The following MALRD1 variants were observed in gnomAD, a reference collection of about 807,000 sequenced individuals.
The protein encoded by MALRD1 is MAM and LDL-receptor class A domain-containing protein 1.
Under a neutral mutation model 242.1 loss-of-function variants are expected in MALRD1, and 247 were observed. The ratio of observed to expected loss-of-function variants is 1.02; its 90% CI spans 0.92 to 1.13. MALRD1 has a LOEUF of 1.13. Among genes scored for constraint, MALRD1 ranks in the 50% most tolerant of loss-of-function variants. The pLI, the probability that MALRD1 is intolerant of heterozygous loss-of-function variation, is 0.00. For synonymous variants in MALRD1, 995 were observed against 866.6 expected (o/e 1.15, Z -2.60); for missense variants, 2,989 against 2,533.1 (o/e 1.18, Z -3.86).
intron 33 of MALRD1, among the ~76,000 whole-genome samples, chr10:19,583,136 G>A (rs1383776194): frequency 7.9e-6 from 1 of 126,900 alleles, no homozygotes; most frequent in African/African-American, 3.3e-5. Context: ...GAGACGATGG[G>A]GTTTTCTAGA....
At chr10:19,333,795 C>G (rs898653659) in intron 24 of MALRD1, among the ~76,000 whole-genome samples, 1 of 151,966 alleles carries the variant, frequency 6.6e-6, no homozygotes, top group African/African-American at 2.4e-5. Flanking sequence ...TTCTCGGTAA[C>G]CTCGCCAACA....
intron 11 of MALRD1, among the ~76,000 whole-genome samples, chr10:19,147,351 A>T (rs1021200325): frequency 1.3e-5 from 2 of 152,160 alleles, no homozygotes; most frequent in African/African-American, 4.8e-5. Context: ...GGGGTGGGAA[A>T]ATTCAACCAT....
At chr10:19,157,115 T>C (rs547626236) in intron 12 of MALRD1, among the ~76,000 whole-genome samples, 2 of 145,340 alleles carry the variant, frequency 1.4e-5, no homozygotes, top group East Asian at 3.9e-4. Flanking sequence ...TACTTTGTAA[T>C]GCTTTCCAGT....
At chr10:19,468,531 CT>C (rs1443239527) in intron 29 of MALRD1, among the ~76,000 whole-genome samples, 1 of 151,936 alleles carries the variant, frequency 6.6e-6, no homozygotes, top group African/African-American at 2.4e-5. Flanking sequence ...AGTTGAGTCA[CT>C]GACTGAAAGT....
intron 24 of MALRD1, among the ~76,000 whole-genome samples, chr10:19,346,161 C>T (rs1011829550): frequency 2.0e-5 from 3 of 152,080 alleles, no homozygotes; most frequent in African/African-American, 7.2e-5. Context: ...ATAATTTTAT[C>T]TGACTTGGGA....
chr10:19,652,606 C>T (rs1840948895), intron 36 of MALRD1, among the ~76,000 whole-genome samples: 1 of 152,134 alleles, frequency 6.6e-6, no homozygotes, highest in Non-Finnish European at 1.5e-5. Context: ...TGAACTGAAG[C>T]AAGGAGGATT....
chr10:19,237,642 A>G (rs1163166981), intron 18 of MALRD1, among the ~76,000 whole-genome samples: 28 of 60,362 alleles, frequency 4.6e-4, no homozygotes, highest in Admixed American at 2.2e-3. Flanking sequence ...AATTATATAT[A>G]AATTATTATA....
chr10:19,235,576 C>CGAGAGAGAG (rs1564488759), intron 18 of MALRD1, among the ~76,000 whole-genome samples: 3 of 57,298 alleles, frequency 5.2e-5, no homozygotes, highest in African/African-American at 2.4e-4. Context: ...CACCCACACC[C>CGAGAGAGAG]ACAGAGAGAG....
At chr10:19,425,581 G>T (rs12267414) in intron 28 of MALRD1, among the ~76,000 whole-genome samples, 6 of 152,040 alleles carry the variant, frequency 3.9e-5, no homozygotes, top group African/African-American at 1.4e-4. Context: ...AACTGTTCTC[G>T]ATGGGCTGCA....
intron 32 of MALRD1, among the ~76,000 whole-genome samples, chr10:19,540,720 T>A (rs1036465787): frequency 9.2e-5 from 14 of 151,920 alleles, no homozygotes; most frequent in Non-Finnish European, 1.6e-4. Context: ...ATATGTTGAG[T>A]GAAAAGAGAA....
chr10:19,672,436 T>TC (rs1454012928), intron 36 of MALRD1, among the ~76,000 whole-genome samples: 1 of 150,834 alleles, frequency 6.6e-6, no homozygotes, highest in African/African-American at 2.4e-5. Flanking sequence ...TTTTGTATTT[T>TC]GTTTTTTGAG....
rs1434618046 is a variant in MALRD1, at chr10:19,331,551, T to G, written c.3870T>G (p.Ala1290=). Residue 1290 remains alanine (A), a synonymous_variant, in exon 24 of 40, where the codon GCT becomes GCG. Coordinates refer to ENST00000454679, the MANE Select transcript of MALRD1 (RefSeq NM_001142308.3). ...DKLCDFVNDC[A]DNSDETTFIC... The stretch of plus-strand genomic sequence containing the variant: ...TGTGTGATTTTGTGAATGATTGTGC[T>G]GATAATTCAGATGAGACTACTTTCA... 4 of 1,550,294 alleles carry G rather than the reference T, an allele frequency of 2.6e-6. No individual in the cohort carries two copies. The highest frequency in any genetic ancestry group is 3.5e-6 in the Non-Finnish European group (4 of 1,146,778).
chr10:19,113,814 C>CACACACACACACAG, intron 5 of MALRD1, among the ~76,000 whole-genome samples: 1 of 147,230 alleles, frequency 6.8e-6, no homozygotes, highest in Non-Finnish European at 1.5e-5. Context: ...CACACACACA[C>CACACACACACACAG]ACACACACAC....
intron 19 of MALRD1, among the ~76,000 whole-genome samples, chr10:19,263,935 A>G (rs950492834): frequency 1.1e-4 from 16 of 152,088 alleles, no homozygotes; most frequent in African/African-American, 3.4e-4. Flanking sequence ...GTAGTTCTCT[A>G]TGAATTTTTG....
intron 26 of MALRD1, among the ~76,000 whole-genome samples, chr10:19,369,348 T>C (rs1845264895): frequency 6.9e-6 from 1 of 145,150 alleles, no homozygotes; most frequent in Non-Finnish European, 1.5e-5. Context: ...TATGTATATA[T>C]TGTATATCTG....
At chr10:19,669,616 A>G (rs1337411763) in intron 36 of MALRD1, among the ~76,000 whole-genome samples, 3 of 152,206 alleles carry the variant, frequency 2.0e-5, no homozygotes, top group Non-Finnish European at 4.4e-5. Context: ...AAGTTGTTGG[A>G]GAGTTTAGGA....
chr10:19,699,753 GGAGCAGGAGA>G (rs1833538198), intron 38 of MALRD1, among the ~76,000 whole-genome samples: 1 of 151,930 alleles, frequency 6.6e-6, no homozygotes, highest in Non-Finnish European at 1.5e-5. Flanking sequence ...GGTGAAAACA[GGAGCAGGAGA>G]GAGAGAGTAG....
chr10:19,446,030 C>A (rs928831989), intron 28 of MALRD1, among the ~76,000 whole-genome samples: 4 of 152,006 alleles, frequency 2.6e-5, no homozygotes, highest in South Asian at 2.1e-4. Context: ...TCAGTTCAAT[C>A]TCAGACTGCT....
intron 28 of MALRD1, among the ~76,000 whole-genome samples, chr10:19,399,342 A>C (rs1291020502): frequency 6.6e-6 from 1 of 152,200 alleles, no homozygotes; most frequent in Admixed American, 6.6e-5. Context: ...TTTCTAGGGC[A>C]TTGCTTGAAA....
Sources: gnomAD v4.1 joint callset for allele counts (sites outside exome capture counted in the v4.1 genomes callset) on GRCh38, gnomAD v4.1.1 for gene constraint, MANE v1.5 for transcripts, NCBI Gene and HGNC (gene_info 2026-07-23, HGNC 2026-07-21) for gene names.